The following FAM240B variants were observed in gnomAD, a reference collection of about 807,000 sequenced individuals.
FAM240B encodes the protein family with sequence similarity 240 member B.
intron 1 of FAM240B, among the ~76,000 whole-genome samples, chr9:38,719,462 G>C (rs1025003443): frequency 6.6e-6 from 1 of 152,146 alleles, no homozygotes; most frequent in African/African-American, 2.4e-5. Context: ...ATTGAAGCTT[G>C]ACTTTGTGTG....
intron 1 of FAM240B, among the ~76,000 whole-genome samples, chr9:38,718,310 A>T (rs936471670): frequency 6.6e-6 from 1 of 152,250 alleles, no homozygotes; most frequent in African/African-American, 2.4e-5. Flanking sequence ...GTCAAAGTCC[A>T]GGTACCCTGA....
intron 2 of FAM240B, among the ~76,000 whole-genome samples, chr9:38,699,194 A>G (rs1343241337): frequency 6.6e-6 from 1 of 152,198 alleles, no homozygotes; most frequent in Non-Finnish European, 1.5e-5. Context: ...CTAGGAGCAC[A>G]GTTTCTCCTT....
rs148492569 is a variant in FAM240B at position 38,709,993 on chromosome 9, C to T, written c.-3-5991G>A. On this transcript the variant is annotated intron_variant, in intron 1 of 2. Transcript: ENST00000637493. ...TGATGTCTTTTTGTTGTTGTTGAGA[C>T]GGAGTCTTGCTTTGTCGCCAGGCTG... Among the ~76,000 whole-genome samples, 369 of 152,222 alleles carry T rather than the reference C, an allele frequency of 2.4e-3. 1 individual carries two copies. Among genetic ancestry groups the T allele is most frequent in the African/African-American group, 8.2e-3 (339 of 41,528 alleles).
chr9:38,715,225 T>C (rs368418077), intron 1 of FAM240B, among the ~76,000 whole-genome samples: 10 of 152,320 alleles, frequency 6.6e-5, no homozygotes, highest in African/African-American at 2.4e-4. Flanking sequence ...CCCTGTGTCA[T>C]GTGTCCAGGA....
At chr9:38,712,168 A>G (rs1001007196) in intron 1 of FAM240B, among the ~76,000 whole-genome samples, 2 of 152,170 alleles carry the variant, frequency 1.3e-5, no homozygotes, top group African/African-American at 4.8e-5. Context: ...ACATAGGAGA[A>G]AAAAGCTTAT....
chr9:38,708,755 T>G (rs1308156257), intron 1 of FAM240B, among the ~76,000 whole-genome samples: 1 of 152,162 alleles, frequency 6.6e-6, no homozygotes, highest in Admixed American at 6.5e-5. Context: ...CTGGCAAGCA[T>G]CAAAAGTGCT....
rs79179441 is a variant in FAM240B at position 38,707,613 on chromosome 9, CA to C, written c.-3-3612del. On this transcript the variant is annotated intron_variant, in intron 1 of 2. Coordinates refer to ENST00000637493, the MANE Select transcript of FAM240B (RefSeq NM_001394922.1). ...GAAACCCCGTCTCTACTAAAAAAAA[CA>C]AAAAAAAAAAACAAAAAAAAAACCA... 1.0e-3 allele frequency among the ~76,000 whole-genome samples: 95 copies of C among 92,348 alleles called. No individual in the cohort carries two copies. The South Asian group carries it at 0.012, about 12-fold the overall frequency. 60.6% of individuals were successfully genotyped at this position (92,348 alleles called of 152,430 possible).
chr9:38,703,712 G>T, intron 2 of FAM240B, 145 bp downstream of exon 2: 1 of 394,084 alleles, frequency 2.5e-6, no homozygotes, highest in Non-Finnish European at 4.5e-6. Context: ...TCCTGTCACT[G>T]CACAGAATTT....
chr9:38,698,383 G>C (rs1442839277), intron 2 of FAM240B, among the ~76,000 whole-genome samples: 2 of 152,162 alleles, frequency 1.3e-5, no homozygotes, highest in Admixed American at 1.3e-4. Flanking sequence ...GATACAAGAG[G>C]TTGGCAAAAA....
intron 1 of FAM240B, among the ~76,000 whole-genome samples, chr9:38,715,252 C>A (rs753932324): frequency 2.0e-5 from 3 of 152,052 alleles, no homozygotes; most frequent in Admixed American, 6.6e-5. Context: ...GTTAGGAGAC[C>A]CCCCCACACT....
At chr9:38,700,521 AAG>A (rs34845632) in intron 2 of FAM240B, among the ~76,000 whole-genome samples, 2,504 of 152,318 alleles carry the variant, frequency 0.016, 64 homozygotes, top group African/African-American at 0.056. Context: ...AGGTGTCCAT[AAG>A]ACTTATTATC....
intron 2 of FAM240B, among the ~76,000 whole-genome samples, chr9:38,701,565 C>G (rs370703892): frequency 6.6e-5 from 10 of 152,076 alleles, no homozygotes; most frequent in Non-Finnish European, 1.5e-4. Flanking sequence ...TGGGTGGCCT[C>G]GAGGCTGAAG....
rs71365908 is a variant in FAM240B at position 38,711,659 on chromosome 9, C to CT, written c.-3-7658dup. ...CCTCCCTCCCTCTCTCTTTCTTCTTCTTTTTTTTTTTTTTTTTGACAGCAT... is the reference window on the plus strand; with the variant it reads ...CCTCCCTCCCTCTCTCTTTCTTCTTCTTTTTTTTTTTTTTTTTTGACAGCAT... On this transcript the variant is annotated intron_variant, in intron 1 of 2. Transcript: ENST00000637493. Among the ~76,000 whole-genome samples the CT allele has an allele frequency of 3.8e-3, 525 of 138,994 alleles. 5 individuals are homozygous for CT. Among genetic ancestry groups the CT allele is most frequent in the African/African-American group, 0.012 (444 of 36,724 alleles). The allele number at this position is 138,994 out of a possible 152,430, so 91.2% of individuals were successfully genotyped here.
At position 38,694,586 on chromosome 9, in the gene FAM240B, T is replaced by C. The variant is rs1291296833; in HGVS notation, c.*190A>G. On this transcript the variant is annotated 3_prime_UTR_variant, in exon 3 of 3. Coordinates refer to ENST00000637493, the MANE Select transcript of FAM240B (RefSeq NM_001394922.1). Reference sequence around the variant, plus strand: ...CCACTTGCGGTCATCCTGTCCTCTGTGCGGAGGGGATTGAGCAGGATAATA... The same window carrying C: ...CCACTTGCGGTCATCCTGTCCTCTGCGCGGAGGGGATTGAGCAGGATAATA... 5.1e-6 allele frequency: 2 copies of C among 391,046 alleles called. No individual in the cohort carries two copies. Among genetic ancestry groups the C allele is most frequent in the South Asian group, 1.4e-4 (1 of 6,956 alleles). The allele number at this position is 391,046 out of a possible 1,614,324, so 24.2% of individuals were successfully genotyped here. A position where few individuals can be genotyped will look rare whatever the true frequency, so the allele number is the denominator to read the frequency against.
At chr9:38,709,056 A>G (rs533274534) in intron 1 of FAM240B, among the ~76,000 whole-genome samples, 1 of 152,190 alleles carries the variant, frequency 6.6e-6, no homozygotes, top group African/African-American at 2.4e-5. Context: ...GTCAGGCCCT[A>G]TAATCACATT....
chr9:38,712,278 G>A (rs1329824926), intron 1 of FAM240B, among the ~76,000 whole-genome samples: 1 of 152,218 alleles, frequency 6.6e-6, no homozygotes, highest in Admixed American at 6.5e-5. Context: ...ACACAATTAT[G>A]AGAGAAGTCC....
rs1299073135 is a variant in FAM240B at position 38,710,592 on chromosome 9, TG to T, written c.-3-6591del. On this transcript the variant is annotated intron_variant, in intron 1 of 2. Transcript: ENST00000637493. ...GTTCTCCTTTTTAAAGTATAGGCAG[TG>T]GGGGGAAATGCATTGGTTTTGGCCA... Among the ~76,000 whole-genome samples the T allele has an allele frequency of 3.9e-5, 6 of 152,144 alleles. No homozygotes were observed. In the South Asian group the frequency reaches 1.0e-3, roughly 26 times the overall value.
chr9:38,695,048 G>C (rs1821052986), intron 2 of FAM240B, among the ~76,000 whole-genome samples, 179 bp from the exon 3 acceptor site: 2 of 152,172 alleles, frequency 1.3e-5, no homozygotes, highest in Admixed American at 6.5e-5. Flanking sequence ...AGAACATGTG[G>C]TGTTTGGTTT....
At chr9:38,702,845 A>C (rs1034122820) in intron 2 of FAM240B, among the ~76,000 whole-genome samples, 2 of 152,222 alleles carry the variant, frequency 1.3e-5, no homozygotes, top group Non-Finnish European at 2.9e-5. Flanking sequence ...GTGTAACCAC[A>C]TGTGCTAAAG....
Sources: allele counts gnomAD v4.1 joint callset (sites outside exome capture counted in the v4.1 genomes callset), GRCh38; gene constraint gnomAD v4.1.1; transcripts MANE v1.5; gene names NCBI Gene and HGNC (gene_info 2026-07-23, HGNC 2026-07-21).